ACOT7: variants seen among roughly 807,000 people sequenced by gnomAD.
ACOT7 encodes the protein cytosolic acyl coenzyme A thioester hydrolase.
Under a neutral mutation model 40.2 loss-of-function variants are expected in ACOT7, and 12 were observed. The observed-to-expected ratio is 0.30, with a 90% CI of 0.19 to 0.48. The LOEUF (loss-of-function observed/expected upper bound fraction) is 0.48. Among genes scored for constraint, ACOT7 ranks in the 20% least tolerant of loss-of-function variants. The probability of loss-of-function intolerance (pLI) is 0.99; values close to 1 mark genes in which losing one functional copy is unlikely to be tolerated. For missense variants in ACOT7, 395 were observed against 530.8 expected, an observed-to-expected ratio of 0.74 and a Z score of 2.51; for synonymous variants, 228 against 219.5, an observed-to-expected ratio of 1.04 and a Z score of -0.34.
At chr1:6,324,005 T>C (rs150625744) in intron 5 of ACOT7, among the ~76,000 whole-genome samples, 272 of 151,994 alleles carry the variant, frequency 1.8e-3, no homozygotes, top group Admixed American at 8.1e-3. Context: ...GGATAGCACG[T>C]GTCACACCTG....
intron 6 of ACOT7, among the ~76,000 whole-genome samples, chr1:6,310,702 A>G (rs1218769482): frequency 6.6e-6 from 1 of 152,144 alleles, no homozygotes; most frequent in Non-Finnish European, 1.5e-5. Flanking sequence ...CTCCAGGAGA[A>G]GGGCTGGGGA....
intron 1 of ACOT7, among the ~76,000 whole-genome samples, chr1:6,365,663 G>C (rs1442075792): frequency 1.3e-5 from 2 of 151,518 alleles, no homozygotes; most frequent in African/African-American, 4.8e-5. Flanking sequence ...AGCTACTCGG[G>C]AGGCTGAGGC....
chr1:6,393,485 G>A lies in ACOT7; in HGVS notation c.-86C>T. ...CAATCGAACGCGGCCTCCCCGCGCC[G>A]ACCCCGCCCCCGCGCCGGCCCCACC... On this transcript the variant is annotated 5_prime_UTR_variant, in exon 1 of 9. Coordinates refer to ENST00000361521, the MANE Select transcript of ACOT7 (RefSeq NM_007274.4). 1 of 1,146,174 alleles carries A rather than the reference G, an allele frequency of 8.7e-7. No homozygotes were observed. The allele number at this position is 1,146,174 out of a possible 1,614,324, so 71.0% of individuals were successfully genotyped here. A position where few individuals can be genotyped will look rare whatever the true frequency, so the allele number is the denominator to read the frequency against.
Position 6,316,368 on chromosome 1 carries a change from G to A in ACOT7, c.712+2124C>T, listed in dbSNP as rs569689221. On this transcript the variant is annotated intron_variant, in intron 6 of 8. Coordinates refer to ENST00000361521, the MANE Select transcript of ACOT7 (RefSeq NM_007274.4). ...AGACACTCAGATTGTCATAGTGCTC[G>A]TGGGCCTGGAAGTGCTGTTATAAAG... Among the ~76,000 whole-genome samples, 10 of 152,324 alleles carry A rather than the reference G, an allele frequency of 6.6e-5. No individual in the cohort carries two copies. The South Asian group carries it at 1.2e-3, about 19-fold the overall frequency.
At chr1:6,297,033 G>C (rs1174168824) in intron 6 of ACOT7, among the ~76,000 whole-genome samples, 2 of 152,002 alleles carry the variant, frequency 1.3e-5, no homozygotes, top group Non-Finnish European at 1.5e-5. Flanking sequence ...ATTCACCCTA[G>C]GACACAGAAT....
intron 1 of ACOT7, among the ~76,000 whole-genome samples, chr1:6,391,979 C>G (rs559594052): frequency 6.6e-6 from 1 of 151,658 alleles, no homozygotes. Context: ...CCTCCAGAGT[C>G]GATGGGACCA....
chr1:6,339,810 G>A (rs1226880938), intron 2 of ACOT7, among the ~76,000 whole-genome samples: 2 of 131,622 alleles, frequency 1.5e-5, no homozygotes. Flanking sequence ...CAAGATCTCA[G>A]CTCACTGCAA....
At chr1:6,354,658 C>A (rs867418675) in intron 1 of ACOT7, among the ~76,000 whole-genome samples, 1 of 141,962 alleles carries the variant, frequency 7.0e-6, no homozygotes. Context: ...CCTCTCACCC[C>A]CCGTGGCCGC....
chr1:6,366,088 G>A (rs1391643158), intron 1 of ACOT7, among the ~76,000 whole-genome samples: 1 of 151,796 alleles, frequency 6.6e-6, no homozygotes, highest in African/African-American at 2.4e-5. Context: ...TAGAGACAGG[G>A]TCTCACTATG....
At chr1:6,291,214 T>C (rs190184247) in intron 7 of ACOT7, among the ~76,000 whole-genome samples, 31 of 152,266 alleles carry the variant, frequency 2.0e-4, no homozygotes, top group Admixed American at 1.7e-3. Context: ...GCAGGTATAA[T>C]TAAGCAAAAG....
In ACOT7 at chr1:6,349,842, G is replaced by A. The variant is rs775625418; in HGVS notation, c.168C>T (p.Asn56=). ...TCCCCCCGTGGACATTGCCGGCCAC[G>A]TTGGCATCATCTGGCCGCATGATCC... ...ICRIMRPDDA[N]VAGNVHGGTI... The change falls in exon 2 of 9, where the codon AAC becomes AAT. Residue 56 remains asparagine, a synonymous_variant. Coordinates refer to ENST00000361521, the MANE Select transcript of ACOT7 (RefSeq NM_007274.4). The A allele has an allele frequency of 4.2e-5, 68 of 1,614,028 alleles. No homozygotes were observed. The highest frequency in any genetic ancestry group is 2.7e-4 in the Admixed American group (16 of 60,012).
At chr1:6,346,602 C>A (rs559044307) in intron 2 of ACOT7, among the ~76,000 whole-genome samples, 19 of 152,326 alleles carry the variant, frequency 1.2e-4, no homozygotes, top group Admixed American at 7.8e-4. Flanking sequence ...TGGCTTTGGG[C>A]GAAACAGGAG....
intron 7 of ACOT7, among the ~76,000 whole-genome samples, chr1:6,291,950 A>G (rs1639677523): frequency 6.6e-6 from 1 of 152,198 alleles, no homozygotes; most frequent in African/African-American, 2.4e-5. Context: ...GCAGTATCCT[A>G]GGAGCAAGCA....
intron 6 of ACOT7, among the ~76,000 whole-genome samples, chr1:6,302,858 G>C (rs999478413): frequency 4.6e-5 from 7 of 152,078 alleles, no homozygotes; most frequent in Middle Eastern, 3.4e-3. Flanking sequence ...TGCGTGTAAA[G>C]ACTGCTACCA....
At chr1:6,290,520 G>C (rs61760848) in intron 7 of ACOT7, among the ~76,000 whole-genome samples, 18,144 of 152,220 alleles carry the variant, frequency 0.12, 1,885 homozygotes, top group African/African-American at 0.27. Flanking sequence ...GATGTGCCCA[G>C]TCTACCTGCA....
intron 1 of ACOT7, among the ~76,000 whole-genome samples, chr1:6,357,193 C>T (rs181376494): frequency 1.2e-4 from 18 of 150,272 alleles, no homozygotes; most frequent in East Asian, 1.2e-3. Flanking sequence ...GCCAAGATCG[C>T]GCCATTGCAC....
At position 6,278,572 on chromosome 1, in the gene ACOT7, A is replaced by T. The variant is rs1639266684; in HGVS notation, c.1014+2530T>A. On this transcript the variant is annotated intron_variant, in intron 8 of 8. Coordinates refer to ENST00000361521, the MANE Select transcript of ACOT7 (RefSeq NM_007274.4). The surrounding 1 kb of genome is among the most constrained non-coding windows in gnomAD (Gnocchi z 4.1). ...TTTTGCGGGTGTGATAATGAGTTCC[A>T]TTCAGGACAAACTGTATTTGTGATG... Among the ~76,000 whole-genome samples the T allele has an allele frequency of 6.6e-6, 1 of 152,132 alleles. No homozygotes were observed. Among genetic ancestry groups the T allele is most frequent in the Non-Finnish European group, 1.5e-5 (1 of 68,012 alleles).
chr1:6,311,151 C>T lies in ACOT7; in HGVS notation c.712+7341G>A, dbSNP rs997287336. ...ATGCTCCATCCTGTGCTTCCCAGTA[C>T]CATGGGAGCTGAGCAAGCTCTCCCG... On this transcript the variant is annotated intron_variant, in intron 6 of 8. Coordinates refer to ENST00000361521, the MANE Select transcript of ACOT7 (RefSeq NM_007274.4). This position sits in a 1 kb window ranked among gnomAD's most constrained non-coding sequence, Gnocchi z 5.2. Among the ~76,000 whole-genome samples, 1 of 152,216 alleles carries T rather than the reference C, an allele frequency of 6.6e-6. No individual in the cohort carries two copies. Among genetic ancestry groups the T allele is most frequent in the Non-Finnish European group, 1.5e-5 (1 of 68,038 alleles).
chr1:6,270,020 G>C (rs1014604714), intron 8 of ACOT7, among the ~76,000 whole-genome samples: 2 of 152,234 alleles, frequency 1.3e-5, no homozygotes, highest in African/African-American at 4.8e-5. Flanking sequence ...GGGGGAGGTG[G>C]AACAAAGGGC....
Sources: gnomAD v4.1 joint callset for allele counts (sites outside exome capture counted in the v4.1 genomes callset) on GRCh38, gnomAD v4.1.1 for gene constraint, Gnocchi (gnomAD v3.1) non-coding constraint, MANE v1.5 for transcripts, NCBI Gene and HGNC (gene_info 2026-07-23, HGNC 2026-07-21) for gene names.